Variants in TRPC6 observed in about 807,000 individuals in gnomAD.
TRPC6 encodes the protein transient receptor potential cation channel subfamily C member 6.
TRPC6 carries 55 observed loss-of-function variants against 90.7 expected under a neutral mutation model. The observed-to-expected ratio is 0.61, with a 90% CI of 0.49 to 0.76. TRPC6 has a LOEUF of 0.76. TRPC6 is among the 30% of genes least tolerant of loss of function. The probability of loss-of-function intolerance (pLI) is 0.00; values close to 1 mark genes in which losing one functional copy is unlikely to be tolerated. For synonymous variants in TRPC6, 393 were observed against 393.0 expected (o/e 1.00, Z 0.00); for missense variants, 989 against 1,122.7 (o/e 0.88, Z 1.70).
Position 101,491,377 on chromosome 11 carries a change from T to A in TRPC6, c.1128+179A>T. 7.7e-6 allele frequency: 5 copies of A among 651,990 alleles called. No individual in the cohort carries two copies. The South Asian group carries it at 9.0e-5, about 12-fold the overall frequency. The allele number at this position is 651,990 out of a possible 1,614,324, so 40.4% of individuals were successfully genotyped here. ...TGAACCCGGGAGGCGGAGCTTGCAG[T>A]GAGCCGAGATCGCACCACTGCACTC... is the stretch of plus-strand genomic sequence containing the variant. On this transcript the variant is annotated intron_variant, in intron 3 of 12. Coordinates refer to ENST00000344327, the MANE Select transcript of TRPC6 (RefSeq NM_004621.6).
Position 101,504,318 on chromosome 11 carries a change from G to A in TRPC6, c.651C>T (p.Ser217=). Residue 217 remains serine, a synonymous_variant, in exon 2 of 13, where the codon TCC becomes TCT. Coordinates refer to ENST00000344327, the MANE Select transcript of TRPC6 (RefSeq NM_004621.6). ...YAYDEDGTRF[S]HDVTPIILAA... is the part of the protein sequence containing the mutation. ...CCAGAATGATTGGAGTCACATCATG[G>A]GAGAACCGTGTCCCATCTTCATCAT... 1 of 1,613,906 alleles carries A rather than the reference G, an allele frequency of 6.2e-7. No homozygotes were observed. The highest frequency in any genetic ancestry group is 8.5e-7 in the Non-Finnish European group (1 of 1,179,864).
At chr11:101,489,639 T>A (rs910663611) in intron 3 of TRPC6, among the ~76,000 whole-genome samples, 2 of 66,264 alleles carry the variant, frequency 3.0e-5, no homozygotes, top group Admixed American at 2.1e-4. Flanking sequence ...TTTCAATATT[T>A]TTTTTTTTTG....
intron 1 of TRPC6, among the ~76,000 whole-genome samples, chr11:101,582,085 T>C (rs1237745434): frequency 6.6e-6 from 1 of 152,238 alleles, no homozygotes; most frequent in Non-Finnish European, 1.5e-5. Context: ...TTACGTGGTA[T>C]GGGAATTATG....
intron 1 of TRPC6, among the ~76,000 whole-genome samples, chr11:101,557,804 A>G (rs1036299260): frequency 3.3e-5 from 5 of 152,202 alleles, no homozygotes; most frequent in African/African-American, 1.2e-4. Context: ...GAGTAAATTT[A>G]ACCAAGGAGG....
At chr11:101,454,502 A>C (rs1858840465) in intron 11 of TRPC6, among the ~76,000 whole-genome samples, 1 of 152,062 alleles carries the variant, frequency 6.6e-6, no homozygotes, top group South Asian at 2.1e-4. Context: ...ATGAAGGAAT[A>C]TGATACATTC....
chr11:101,564,709 A>G (rs991227542), intron 1 of TRPC6, among the ~76,000 whole-genome samples: 3 of 152,174 alleles, frequency 2.0e-5, no homozygotes, highest in African/African-American at 7.2e-5. Flanking sequence ...TCACAGAAAT[A>G]GAAAAAAATT....
rs572120503 is a variant in TRPC6 at position 101,491,923 on chromosome 11, A to C, written c.946-185T>G. On this transcript the variant is annotated intron_variant, in intron 2 of 12. Transcript: ENST00000344327. ...TGGCACAATCTTGGCTCACTGCAAG[A>C]TCCGCCTCCTGGGTTCACGCCATTC... 5.7e-5 allele frequency among the ~76,000 whole-genome samples: 8 copies of C among 140,758 alleles called. No homozygotes were observed. In the East Asian group the frequency reaches 1.5e-3, roughly 26 times the overall value. 92.3% of individuals were successfully genotyped at this position (140,758 alleles called of 152,430 possible).
At chr11:101,472,861 C>T (rs1334645546) in intron 7 of TRPC6, among the ~76,000 whole-genome samples, 2 of 152,020 alleles carry the variant, frequency 1.3e-5, no homozygotes, top group African/African-American at 2.4e-5. Flanking sequence ...CCCTGGCAAA[C>T]TGTATTTTAG....
At position 101,583,638 on chromosome 11, in the gene TRPC6, T is replaced by G. The variant is rs1862256405; in HGVS notation, c.-135A>C. ...CAGACCGGTGCCCAGGGGACGACGG[T>G]GAAGCAGGGGGTGCAGACGCCCGCC... On this transcript the variant is annotated 5_prime_UTR_variant, in exon 1 of 13. Transcript: ENST00000344327. 4.0e-6 allele frequency: 4 copies of G among 1,003,998 alleles called. No homozygotes were observed. The highest frequency in any genetic ancestry group is 4.0e-6 in the Non-Finnish European group (3 of 742,744). The allele number at this position is 1,003,998 out of a possible 1,614,324, so 62.2% of individuals were successfully genotyped here.
intron 10 of TRPC6, among the ~76,000 whole-genome samples, chr11:101,457,853 T>A (rs1858920294): frequency 6.6e-6 from 1 of 152,214 alleles, no homozygotes; most frequent in Non-Finnish European, 1.5e-5. Flanking sequence ...TCTATAATTG[T>A]CAAGAGCTAT....
intron 9 of TRPC6, among the ~76,000 whole-genome samples, chr11:101,470,802 GCCCCGCCCCCCC>G (rs1469848189): frequency 2.1e-5 from 1 of 48,724 alleles, no homozygotes; most frequent in Non-Finnish European, 3.6e-5. Flanking sequence ...TAATCAAGTT[GCCCCGCCCCCCC>G]CCCCTCCCCG....
intron 1 of TRPC6, among the ~76,000 whole-genome samples, chr11:101,576,459 A>T (rs1555015452): frequency 6.6e-6 from 1 of 152,174 alleles, no homozygotes; most frequent in Non-Finnish European, 1.5e-5. Flanking sequence ...TTCTGCTCTA[A>T]ACAGAGATTC....
Position 101,488,922 on chromosome 11 carries a change from GC to G in TRPC6, c.1293+14del, listed in dbSNP as rs767453989. ...TTTCTAGTAGATAATAGAGGTCCAGGCTTCACATACATACCTTGCTGCATGG... is the reference window on the plus strand; with the variant it reads ...TTTCTAGTAGATAATAGAGGTCCAGGTTCACATACATACCTTGCTGCATGG... On this transcript the variant is annotated intron_variant, in intron 4 of 12. Coordinates refer to ENST00000344327, the MANE Select transcript of TRPC6 (RefSeq NM_004621.6). The G allele has an allele frequency of 1.9e-6, 3 of 1,610,894 alleles. No homozygotes were observed. The highest frequency in any genetic ancestry group is 2.5e-6 in the Non-Finnish European group (3 of 1,179,902).
intron 1 of TRPC6, among the ~76,000 whole-genome samples, chr11:101,540,223 T>C (rs975661558): frequency 6.6e-6 from 1 of 152,216 alleles, no homozygotes; most frequent in Non-Finnish European, 1.5e-5. Flanking sequence ...GCCTGAGGCC[T>C]CTGCTCTTCA....
At chr11:101,532,604 T>G (rs1446746904) in intron 1 of TRPC6, among the ~76,000 whole-genome samples, 1 of 152,198 alleles carries the variant, frequency 6.6e-6, no homozygotes, top group Non-Finnish European at 1.5e-5. Context: ...GACAATGTAG[T>G]GAATTTAAGC....
chr11:101,571,056 A>G (rs1047749284), intron 1 of TRPC6, among the ~76,000 whole-genome samples: 4 of 152,330 alleles, frequency 2.6e-5, no homozygotes, highest in Non-Finnish European at 5.9e-5. Flanking sequence ...AGCGTATTCA[A>G]TTTTGAAAAC....
intron 1 of TRPC6, among the ~76,000 whole-genome samples, chr11:101,574,883 G>T (rs918566835): frequency 3.9e-5 from 6 of 152,096 alleles, no homozygotes; most frequent in South Asian, 2.1e-4. Context: ...CCCATGAAAA[G>T]AACTCTTCCT....
At chr11:101,555,018 T>C (rs1861529346) in intron 1 of TRPC6, among the ~76,000 whole-genome samples, 1 of 152,164 alleles carries the variant, frequency 6.6e-6, no homozygotes, top group South Asian at 2.1e-4. Flanking sequence ...TGCTCTTTCT[T>C]CTTACCTAGG....
chr11:101,490,194 C>T (rs182440173), intron 3 of TRPC6, among the ~76,000 whole-genome samples: 2 of 152,148 alleles, frequency 1.3e-5, no homozygotes, highest in Admixed American at 1.3e-4. Context: ...TTATAATAAA[C>T]ATCCCTAAAT....
Sources: gnomAD v4.1 joint callset for allele counts (sites outside exome capture counted in the v4.1 genomes callset) on GRCh38, gnomAD v4.1.1 for gene constraint, MANE v1.5 for transcripts, NCBI Gene and HGNC (gene_info 2026-07-23, HGNC 2026-07-21) for gene names.